Variants in UGT1A7 observed in about 807,000 individuals in gnomAD.
UGT1A7 encodes the protein UDP-glucuronosyltransferase 1A7.
A neutral mutation model predicts 45.6 loss-of-function variants in UGT1A7; 33 were observed. The observed-to-expected ratio is 0.72, with a 90% CI of 0.55 to 0.97. The LOEUF (loss-of-function observed/expected upper bound fraction) is 0.97, where lower values mean the gene tolerates loss of function less well. Ranked by LOEUF, UGT1A7 falls within the 50% of genes least tolerant of loss-of-function variation. The pLI, the probability that UGT1A7 is intolerant of heterozygous loss-of-function variation, is 0.00. For synonymous variants in UGT1A7, 274 were observed against 250.6 expected (o/e 1.09, Z -0.88); for missense variants, 684 against 666.2 (o/e 1.03, Z -0.29).
intron 1 of UGT1A7, among the ~76,000 whole-genome samples, chr2:233,694,123 T>TA: frequency 6.6e-6 from 1 of 152,238 alleles, no homozygotes; most frequent in East Asian, 1.9e-4. Flanking sequence ...GACAGTCACA[T>TA]ACTCATTGAA....
chr2:233,741,522 A>C (rs1173490557), intron 1 of UGT1A7: 1 of 151,908 alleles, frequency 6.6e-6, no homozygotes, highest in African/African-American at 2.4e-5. Flanking sequence ...AAGCCTTAAC[A>C]GTCTGTCTTA....
In UGT1A7 at chr2:233,682,486, C is replaced by T. The variant is rs1167766704; in HGVS notation, c.549C>T (p.Cys183=). The change falls in exon 1 of 5, where the codon TGC becomes TGT. Residue 183 remains cysteine, a synonymous_variant. Transcript: ENST00000373426. ...ACTATCTTGAAGAAGGTGCACAGTGCCCTGCTCCTCTTTCCTATGTCCCCA... is the reference window on the plus strand; with the variant it reads ...ACTATCTTGAAGAAGGTGCACAGTGTCCTGCTCCTCTTTCCTATGTCCCCA... ...FCHYLEEGAQ[C]PAPLSYVPRL... 9 of 1,613,932 alleles carry T rather than the reference C, an allele frequency of 5.6e-6. No homozygotes were observed. Among genetic ancestry groups the T allele is most frequent in the Admixed American group, 1.7e-5 (1 of 60,006 alleles).
intron 1 of UGT1A7, among the ~76,000 whole-genome samples, chr2:233,695,158 A>G (rs2075269313): frequency 1.5e-5 from 2 of 134,270 alleles, no homozygotes; most frequent in African/African-American, 2.8e-5. Context: ...ACAGAGTCTC[A>G]CTCTGTCATC....
At chr2:233,735,312 T>C (rs924133662) in intron 1 of UGT1A7, among the ~76,000 whole-genome samples, 9 of 152,172 alleles carry the variant, frequency 5.9e-5, no homozygotes, top group Admixed American at 1.3e-4. Context: ...GTCTGTTTTA[T>C]CAGAGACTAG....
At chr2:233,684,379 A>G (rs890884071) in intron 1 of UGT1A7, among the ~76,000 whole-genome samples, 17 of 152,160 alleles carry the variant, frequency 1.1e-4, no homozygotes, top group African/African-American at 4.1e-4. Flanking sequence ...CCCTCCATCA[A>G]TTACAGCACC....
chr2:233,716,263 C>A lies in UGT1A7; in HGVS notation c.855+33471C>A, dbSNP rs188566072. Reference sequence around the variant, plus strand: ...TGCCCGGACATCCAGCATAATCTCCCCATGTCAAAACCCTTAATATAATCA... The same window carrying A: ...TGCCCGGACATCCAGCATAATCTCCACATGTCAAAACCCTTAATATAATCA... On this transcript the variant is annotated intron_variant, in intron 1 of 4. Transcript: ENST00000373426. Among the ~76,000 whole-genome samples the A allele has an allele frequency of 7.2e-4, 110 of 152,288 alleles. 1 individual carries two copies. Among genetic ancestry groups the A allele is most frequent in the Non-Finnish European group, 1.2e-3 (81 of 68,028 alleles).
In UGT1A7 at chr2:233,760,429, C is replaced by G. The variant is rs747942373; in HGVS notation, c.856-6605C>G. 87 of 1,614,090 alleles carry G rather than the reference C, an allele frequency of 5.4e-5. No homozygotes were observed. The highest frequency in any genetic ancestry group is 6.6e-5 in the Non-Finnish European group (78 of 1,180,040). On this transcript the variant is annotated intron_variant, in intron 1 of 4. Coordinates refer to ENST00000373426, the MANE Select transcript of UGT1A7 (RefSeq NM_019077.3). The stretch of plus-strand genomic sequence containing the variant: ...CTGGCTGAGCATGCTTGGGGCCATC[C>G]AGCAGCTGCAGCAGAGGGGACATGA...
chr2:233,690,266 G>T (rs574382327), intron 1 of UGT1A7, among the ~76,000 whole-genome samples: 2 of 152,234 alleles, frequency 1.3e-5, no homozygotes, highest in Non-Finnish European at 2.9e-5. Flanking sequence ...CAAACATTTT[G>T]CAGGTCCTTT....
rs926387515 is a variant in UGT1A7 at position 233,772,265 on chromosome 2, C to T, written c.1299C>T (p.Tyr433=). ...ACGAAACTGTCTTTGTGTTTAGTTA[C>T]AAGGAGAACATCATGCGCCTCTCCA... ...ALKAVINDKS[Y]KENIMRLSSL... The change falls in exon 5 of 5, where the codon TAC becomes TAT. Residue 433 remains tyrosine, a synonymous_variant. Coordinates refer to ENST00000373426, the MANE Select transcript of UGT1A7 (RefSeq NM_019077.3). 4 of 1,614,232 alleles carry T rather than the reference C, an allele frequency of 2.5e-6. No homozygotes were observed. The Admixed American group carries it at 6.7e-5, about 27-fold the overall frequency.
In UGT1A7 at chr2:233,682,492, T is replaced by A; in HGVS notation, c.555T>A (p.Ala185=). ...TTGAAGAAGGTGCACAGTGCCCTGC[T>A]CCTCTTTCCTATGTCCCCAGACTTC... ...HYLEEGAQCP[A]PLSYVPRLLL... is the part of the protein sequence containing the mutation. The change falls in exon 1 of 5, where the codon GCT becomes GCA. Residue 185 remains alanine, a synonymous_variant. Transcript: ENST00000373426. 1 of 1,613,970 alleles carries A rather than the reference T, an allele frequency of 6.2e-7. No homozygotes were observed. The highest frequency in any genetic ancestry group is 1.1e-5 in the South Asian group (1 of 91,072).
At chr2:233,709,645 G>C (rs919625647) in intron 1 of UGT1A7, among the ~76,000 whole-genome samples, 1 of 152,178 alleles carries the variant, frequency 6.6e-6, no homozygotes, top group Non-Finnish European at 1.5e-5. Context: ...TCTTGGAATA[G>C]GTAGGGCTTT....
intron 1 of UGT1A7, among the ~76,000 whole-genome samples, chr2:233,709,774 A>G (rs183310519): frequency 6.6e-6 from 1 of 152,330 alleles, no homozygotes; most frequent in East Asian, 1.9e-4. Context: ...TTTACATGCA[A>G]TAAAGTGCAC....
At chr2:233,725,411 A>G (rs1339557332) in intron 1 of UGT1A7, among the ~76,000 whole-genome samples, 2 of 151,802 alleles carry the variant, frequency 1.3e-5, no homozygotes, top group Non-Finnish European at 2.9e-5. Context: ...TCTAATACAG[A>G]ATTGTCCAAT....
intron 1 of UGT1A7, among the ~76,000 whole-genome samples, chr2:233,701,119 T>C (rs1402292168): frequency 2.6e-5 from 4 of 152,206 alleles, no homozygotes; most frequent in African/African-American, 7.2e-5. Context: ...CAGTCTATCA[T>C]TGAGGGACAT....
At chr2:233,729,423 G>A in intron 1 of UGT1A7, 2 of 1,613,822 alleles carry the variant, frequency 1.2e-6, no homozygotes, top group East Asian at 4.5e-5. Flanking sequence ...ACACTCAACT[G>A]TACTTTGAAA....
intron 1 of UGT1A7, among the ~76,000 whole-genome samples, chr2:233,733,067 T>A (rs1039618890): frequency 3.2e-4 from 48 of 152,298 alleles, no homozygotes; most frequent in Non-Finnish European, 4.6e-4. Flanking sequence ...ATTCTCTTTG[T>A]AGCAATTGTG....
At chr2:233,755,054 C>G (rs748506326) in intron 1 of UGT1A7, 13 of 1,332,706 alleles carry the variant, frequency 9.8e-6, no homozygotes, top group South Asian at 6.9e-5. Context: ...CGCCCTCCGC[C>G]CTCGCCTCGC....
intron 1 of UGT1A7, among the ~76,000 whole-genome samples, chr2:233,705,940 T>C (rs2075879874): frequency 6.6e-6 from 1 of 152,018 alleles, no homozygotes; most frequent in Non-Finnish European, 1.5e-5. Flanking sequence ...AGACAAAAAA[T>C]TAGCTGGGTG....
chr2:233,718,302 C>T (rs1386220798), intron 1 of UGT1A7, among the ~76,000 whole-genome samples: 2 of 152,224 alleles, frequency 1.3e-5, no homozygotes, highest in Admixed American at 6.5e-5. Flanking sequence ...CCTGAACACT[C>T]TCTGTTTAGA....
Sources: allele counts gnomAD v4.1 joint callset (sites outside exome capture counted in the v4.1 genomes callset), GRCh38; gene constraint gnomAD v4.1.1; transcripts MANE v1.5; gene names NCBI Gene and HGNC (gene_info 2026-07-23, HGNC 2026-07-21).